The following CCDC18 variants were observed in gnomAD, a reference collection of about 807,000 sequenced individuals.
CCDC18 encodes coiled-coil domain containing 18, also known as coiled-coil domain-containing protein 18.
A neutral mutation model predicts 196.0 loss-of-function variants in CCDC18; 157 were observed. The observed-to-expected ratio is 0.80, with a 90% CI of 0.70 to 0.91. The LOEUF (loss-of-function observed/expected upper bound fraction) is 0.91, where lower values mean the gene tolerates loss of function less well. CCDC18 is among the 40% of genes least tolerant of loss of function. CCDC18 has a pLI of 0.00. For missense variants in CCDC18, 1,465 were observed against 1,611.6 expected, an observed-to-expected ratio of 0.91 and a Z score of 1.56; for synonymous variants, 482 against 529.2, an observed-to-expected ratio of 0.91 and a Z score of 1.22.
At chr1:93,230,173 A>T (rs1388567302) in intron 17 of CCDC18, among the ~76,000 whole-genome samples, 1 of 152,096 alleles carries the variant, frequency 6.6e-6, no homozygotes, top group Non-Finnish European at 1.5e-5. Flanking sequence ...AGAAAATATG[A>T]TGTAAAAACA....
At chr1:93,181,228 G>A (rs1649612857) in intron 1 of CCDC18, among the ~76,000 whole-genome samples, 1 of 111,658 alleles carries the variant, frequency 9.0e-6, no homozygotes, top group East Asian at 3.0e-4. Flanking sequence ...CTTTCAGACG[G>A]ATGTAAGATT....
chr1:93,202,340 C>T (rs1319457178), intron 7 of CCDC18, among the ~76,000 whole-genome samples: 1 of 152,188 alleles, frequency 6.6e-6, no homozygotes, highest in African/African-American at 2.4e-5. Context: ...TAGCTTTCAA[C>T]TGGTCTCCCT....
In CCDC18 at chr1:93,212,109, T is replaced by C. The variant is rs200393545; in HGVS notation, c.1343T>C (p.Leu448Pro). ...CTTTTCTTTTGTGCCAGAATTAAGC[T>C]TGCAATAAAAGAGGCAGAAATTCAA... ...KLVISELRIK[L>P]AIKEAEIQKL... Residue 448 changes from leucine (L) to proline (P), a missense_variant, in exon 11 of 29, where the codon CTT becomes CCT. Transcript: ENST00000690025. 1,197 of 1,598,068 alleles carry C rather than the reference T, an allele frequency of 7.5e-4. 22 individuals are homozygous for C. In the South Asian group the frequency reaches 0.011, roughly 15 times the overall value.
chr1:93,180,497 C>T (rs749670290), upstream of CCDC18: 2 of 1,533,790 alleles, frequency 1.3e-6, no homozygotes, highest in African/African-American at 1.4e-5. Flanking sequence ...GCGTGAGCGC[C>T]GCCCGCCTCT....
At chr1:93,248,009 CTT>C (rs71586785) in intron 23 of CCDC18, among the ~76,000 whole-genome samples, 40 of 69,786 alleles carry the variant, frequency 5.7e-4, no homozygotes, top group African/African-American at 9.7e-4. Context: ...TATTTTCCTT[CTT>C]TTTTTTTTTT....
intron 23 of CCDC18, among the ~76,000 whole-genome samples, chr1:93,247,606 G>C (rs1661655257): frequency 6.6e-6 from 1 of 151,646 alleles, no homozygotes; most frequent in Non-Finnish European, 1.5e-5. Context: ...TGTAGAGATG[G>C]GGTTTTGCCA....
At chr1:93,230,424 G>A (rs375029687) in intron 17 of CCDC18, among the ~76,000 whole-genome samples, 3 of 151,462 alleles carry the variant, frequency 2.0e-5, no homozygotes, top group Non-Finnish European at 4.4e-5. Context: ...CCTGGGAGGC[G>A]GAGCTTGCAG....
intron 6 of CCDC18, among the ~76,000 whole-genome samples, chr1:93,196,275 G>A (rs1261461256): frequency 6.6e-6 from 1 of 152,180 alleles, no homozygotes; most frequent in Non-Finnish European, 1.5e-5. Flanking sequence ...AGTGAGCCAA[G>A]ATTGTGCCAT....
intron 14 of CCDC18, among the ~76,000 whole-genome samples, chr1:93,218,199 G>A (rs1417329565): frequency 6.6e-6 from 1 of 151,910 alleles, no homozygotes; most frequent in Non-Finnish European, 1.5e-5. Context: ...GTTAAAAGTA[G>A]AAAAGAAAAT....
chr1:93,258,935 C>A, intron 26 of CCDC18, 50 bp downstream of exon 26: 7 of 1,484,436 alleles, frequency 4.7e-6, no homozygotes, highest in Non-Finnish European at 6.4e-6. Flanking sequence ...AGTAGGTTGA[C>A]CTATCTGGAC....
intron 21 of CCDC18, among the ~76,000 whole-genome samples, chr1:93,240,837 A>T (rs896369173): frequency 1.3e-5 from 2 of 152,100 alleles, no homozygotes; most frequent in Non-Finnish European, 2.9e-5. Context: ...TCATAACCCT[A>T]CCCTTCTCCT....
upstream of CCDC18, chr1:93,180,003 C>G (rs1465095112): frequency 6.4e-7 from 1 of 1,558,670 alleles, no homozygotes; most frequent in African/African-American, 1.4e-5. Flanking sequence ...GAGGCGACAA[C>G]GCAGTGCAGC....
chr1:93,220,300 A>T (rs1273662888), intron 14 of CCDC18, among the ~76,000 whole-genome samples: 1 of 152,192 alleles, frequency 6.6e-6, no homozygotes, highest in African/African-American at 2.4e-5. Context: ...CTCTCTAGGA[A>T]TGAAGGTAAA....
chr1:93,254,800 T>A (rs779598071), intron 24 of CCDC18, among the ~76,000 whole-genome samples, 186 bp downstream of exon 24: 1 of 152,148 alleles, frequency 6.6e-6, no homozygotes, highest in Non-Finnish European at 1.5e-5. Flanking sequence ...ATGGTCTAGG[T>A]ATAGGCAAAG....
chr1:93,267,655 G>A (rs972638833), intron 27 of CCDC18, among the ~76,000 whole-genome samples: 5 of 152,130 alleles, frequency 3.3e-5, no homozygotes, highest in Non-Finnish European at 7.3e-5. Context: ...CCGACCAACA[G>A]AGAGCCAAAT....
chr1:93,180,080 T>A (rs1292076993), upstream of CCDC18: 1 of 1,613,556 alleles, frequency 6.2e-7, no homozygotes, highest in Non-Finnish European at 8.5e-7. Flanking sequence ...AGCGAGGCCT[T>A]CAGGGGCATG....
intron 24 of CCDC18, among the ~76,000 whole-genome samples, chr1:93,255,163 G>A (rs1198664969): frequency 6.6e-6 from 1 of 151,894 alleles, no homozygotes; most frequent in Admixed American, 6.6e-5. Context: ...ATATTGGCCA[G>A]GCTGGTTTTG....
At chr1:93,262,125 C>T (rs1208082734) in intron 26 of CCDC18, 1 of 152,168 alleles carries the variant, frequency 6.6e-6, no homozygotes, top group African/African-American at 2.4e-5. Context: ...CCAATCAGCT[C>T]CCACCAGGTA....
At chr1:93,181,107 A>G (rs550440155) in intron 1 of CCDC18, among the ~76,000 whole-genome samples, 5 of 147,950 alleles carry the variant, frequency 3.4e-5, no homozygotes, top group Admixed American at 2.8e-4. Flanking sequence ...GCTTGAGCCC[A>G]GGAGTTCGAG....
Sources: gnomAD v4.1 joint callset for allele counts (sites outside exome capture counted in the v4.1 genomes callset) on GRCh38, gnomAD v4.1.1 for gene constraint, MANE v1.5 for transcripts, NCBI Gene and HGNC (gene_info 2026-07-23, HGNC 2026-07-21) for gene names.